Variants in ARHGEF37 observed in about 807,000 individuals in gnomAD.
The protein encoded by ARHGEF37 is Rho guanine nucleotide exchange factor 37, also known as Rho guanine nucleotide exchange factor (GEF) 37.
A neutral mutation model predicts 71.1 loss-of-function variants in ARHGEF37; 55 were observed. That is an observed-to-expected ratio of 0.77 (90% CI 0.62 to 0.97). ARHGEF37 has a LOEUF of 0.97. Among genes scored for constraint, ARHGEF37 ranks in the 50% least tolerant of loss-of-function variants. The pLI is 0.00. For missense variants in ARHGEF37, 765 were observed against 836.8 expected, an observed-to-expected ratio of 0.91 and a Z score of 1.06; for synonymous variants, 327 against 350.6, an observed-to-expected ratio of 0.93 and a Z score of 0.75.
intron 1 of ARHGEF37, among the ~76,000 whole-genome samples, chr5:149,582,065 C>T (rs1313821763): frequency 6.6e-6 from 1 of 152,078 alleles, no homozygotes; most frequent in African/African-American, 2.4e-5. Flanking sequence ...AACAGAAATC[C>T]GTGATCCATA....
intron 1 of ARHGEF37, among the ~76,000 whole-genome samples, chr5:149,587,433 A>G (rs1356276482): frequency 6.6e-6 from 1 of 152,200 alleles, no homozygotes; most frequent in Non-Finnish European, 1.5e-5. Context: ...CAGGCACTCT[A>G]TTAAATATTT....
chr5:149,598,328 T>TTCTTCTTC (rs1763624791), intron 2 of ARHGEF37, among the ~76,000 whole-genome samples: 5 of 95,824 alleles, frequency 5.2e-5, no homozygotes, highest in East Asian at 4.1e-4. Flanking sequence ...TCTTCTTCTT[T>TTCTTCTTC]CTTCCTCTTC....
chr5:149,553,834 C>T (rs1054523897), intron 1 of ARHGEF37, among the ~76,000 whole-genome samples: 1 of 151,998 alleles, frequency 6.6e-6, no homozygotes, highest in Non-Finnish European at 1.5e-5. Context: ...AAAAAGGTGC[C>T]GATGGTAGAT....
rs1752716669 is a variant in ARHGEF37, at chr5:149,627,230, A to G, written c.1619A>G (p.Asp540Gly). ...ATCGTGGCCATCCTTCAAAACAAGG[A>G]CACCAAAGGCAACAGCGGCCGCTGG... ...GQIVAILQNKDTKGNSGRWLV... is the reference protein window; with the variant it reads ...GQIVAILQNKGTKGNSGRWLV... Residue 540 changes from aspartate to glycine, a missense_variant, in exon 11 of 13, where the codon GAC becomes GGC. Physicochemically the swap from Asp to Gly is moderately conservative, Grantham distance 94 (BLOSUM62 -1). Coordinates refer to ENST00000333677, the MANE Select transcript of ARHGEF37 (RefSeq NM_001001669.3). 10 of 1,614,036 alleles carry G rather than the reference A, an allele frequency of 6.2e-6. No homozygotes were observed. In the South Asian group the frequency reaches 1.1e-4, roughly 18 times the overall value.
chr5:149,594,027 A>G (rs547992238), intron 1 of ARHGEF37, among the ~76,000 whole-genome samples: 1 of 152,298 alleles, frequency 6.6e-6, no homozygotes, highest in East Asian at 1.9e-4. Flanking sequence ...ATAGTTGGGG[A>G]GTATATGTGA....
At chr5:149,602,591 A>G (rs572220606) in intron 3 of ARHGEF37, among the ~76,000 whole-genome samples, 1 of 151,660 alleles carries the variant, frequency 6.6e-6, no homozygotes, top group South Asian at 2.1e-4. Context: ...AGCCTCAAGG[A>G]CCCTCCTGCC....
At position 149,621,889 on chromosome 5, in the gene ARHGEF37, G is replaced by T. The variant is rs774770878; in HGVS notation, c.1162G>T (p.Glu388Ter). The change falls in exon 9 of 13, where the codon GAG becomes TAG. Residue 388 changes from glutamate to a stop codon, truncating the protein, a stop_gained. Transcript: ENST00000333677. LOFTEE classifies it high-confidence loss of function. ...GGAGGTGGGCAGTGTGACCTACCAG[G>T]AGGAGGCCGCCCGGCACACATACCA... ...LLEVGSVTYQ[E>*]EAARHTYQAL... 1.2e-6 allele frequency: 2 copies of T among 1,614,134 alleles called. No homozygotes were observed. The highest frequency in any genetic ancestry group is 1.7e-5 in the Admixed American group (1 of 60,004).
At chr5:149,618,122 C>A in intron 5 of ARHGEF37, 54 bp from the exon 6 acceptor site, 1 of 1,605,660 alleles carries the variant, frequency 6.2e-7, no homozygotes. Context: ...CCGTGACATC[C>A]ACTTTCCTGA....
chr5:149,605,122 G>A (rs1366876108), intron 3 of ARHGEF37, among the ~76,000 whole-genome samples: 3 of 151,416 alleles, frequency 2.0e-5, no homozygotes, highest in Admixed American at 2.0e-4. Context: ...AGCTACTTGG[G>A]AGGCTGTGGC....
chr5:149,587,921 A>G lies in ARHGEF37; in HGVS notation c.-12+6297A>G, dbSNP rs1466598923. ...TTTTTTTTTTTTTTTTTTGGAGACA[A>G]AGTCTCACTCTGTCGCCCAGGCTGG... is the stretch of plus-strand genomic sequence containing the variant. On this transcript the variant is annotated intron_variant, in intron 1 of 12. Coordinates refer to ENST00000333677, the MANE Select transcript of ARHGEF37 (RefSeq NM_001001669.3). Among the ~76,000 whole-genome samples, 7 of 144,594 alleles carry G rather than the reference A, an allele frequency of 4.8e-5. No individual in the cohort carries two copies. The East Asian group carries it at 1.2e-3, about 25-fold the overall frequency. 94.9% of individuals were successfully genotyped at this position (144,594 alleles called of 152,430 possible).
intron 1 of ARHGEF37, among the ~76,000 whole-genome samples, chr5:149,572,902 A>G (rs1580885095): frequency 6.6e-6 from 1 of 152,302 alleles, no homozygotes; most frequent in Non-Finnish European, 1.5e-5. Flanking sequence ...CTATGAAAGA[A>G]TACCTAAGAC....
chr5:149,629,626 G>C (rs1205128098), intron 12 of ARHGEF37, among the ~76,000 whole-genome samples: 1 of 152,228 alleles, frequency 6.6e-6, no homozygotes, highest in African/African-American at 2.4e-5. Flanking sequence ...AAAGGGGACA[G>C]ACTGGAGTGT....
At chr5:149,603,859 C>T (rs1015601612) in intron 3 of ARHGEF37, among the ~76,000 whole-genome samples, 3 of 152,154 alleles carry the variant, frequency 2.0e-5, no homozygotes, top group East Asian at 1.9e-4. Context: ...TCGCTTGAAC[C>T]CGGGAGGCGG....
chr5:149,621,587 G>A, intron 8 of ARHGEF37, 146 bp from the exon 9 acceptor site: 1 of 725,362 alleles, frequency 1.4e-6, no homozygotes, highest in Non-Finnish European at 2.3e-6. Context: ...TTGAGGCCCA[G>A]AGAAGTTAGA....
chr5:149,600,186 T>TA lies in ARHGEF37; in HGVS notation c.187-917dup, dbSNP rs1312168284. 1.3e-5 allele frequency among the ~76,000 whole-genome samples: 2 copies of TA among 152,232 alleles called. 1 individual carries two copies. The highest frequency in any genetic ancestry group is 1.3e-4 in the Admixed American group (2 of 15,290). ...GTATCTAAACACAGAAAAGGTACAG[T>TA]AAAAATATGATATTATAATCCTATG... On this transcript the variant is annotated intron_variant, in intron 2 of 12. Coordinates refer to ENST00000333677, the MANE Select transcript of ARHGEF37 (RefSeq NM_001001669.3).
intron 5 of ARHGEF37, among the ~76,000 whole-genome samples, chr5:149,617,493 T>G (rs1467669911): frequency 6.6e-6 from 1 of 152,232 alleles, no homozygotes; most frequent in Non-Finnish European, 1.5e-5. Context: ...ATTCAGCTAA[T>G]GTTTACTAAG....
rs745778865 is a variant in ARHGEF37, at chr5:149,620,507, G to A, written c.1005+43G>A. ...TTTCTCCTTTCTTTGTTAGGCAGGT[G>A]GTAGAGCTTACAAGAATAATATTTA... On this transcript the variant is annotated intron_variant, in intron 8 of 12. Transcript: ENST00000333677. 1.0e-5 allele frequency: 15 copies of A among 1,472,588 alleles called. No individual in the cohort carries two copies. In the African/African-American group the frequency reaches 1.8e-4, roughly 18 times the overall value. The allele number at this position is 1,472,588 out of a possible 1,614,324, so 91.2% of individuals were successfully genotyped here. A position where few individuals can be genotyped will look rare whatever the true frequency, so the allele number is the denominator to read the frequency against.
chr5:149,587,901 T>C (rs1467811270), intron 1 of ARHGEF37, among the ~76,000 whole-genome samples: 1 of 150,534 alleles, frequency 6.6e-6, no homozygotes, highest in Non-Finnish European at 1.5e-5. Flanking sequence ...AGTCTTTTTT[T>C]TTTTTTTTTT....
chr5:149,609,534 G>A lies in ARHGEF37; in HGVS notation c.311-14G>A, dbSNP rs141570963. 1.3e-3 allele frequency: 2,024 copies of A among 1,613,452 alleles called. 20 individuals carry two copies. The African/African-American group carries it at 0.019, about 15-fold the overall frequency. On this transcript the variant is annotated splice_polypyrimidine_tract_variant and intron_variant, in intron 3 of 12. Transcript: ENST00000333677. ...CATGCCCTTGACGACCCCTTGTTGCGTCTTCACTCTCAGGTAACATATTTC... is the reference window on the plus strand; with the variant it reads ...CATGCCCTTGACGACCCCTTGTTGCATCTTCACTCTCAGGTAACATATTTC...
Sources: gnomAD v4.1 joint callset for allele counts (sites outside exome capture counted in the v4.1 genomes callset) on GRCh38, gnomAD v4.1.1 for gene constraint, MANE v1.5 for transcripts, NCBI Gene and HGNC (gene_info 2026-07-23, HGNC 2026-07-21) for gene names.